The following SLC9A9 variants were observed in gnomAD, a reference collection of about 807,000 sequenced individuals.
SLC9A9 encodes the protein sodium/hydrogen exchanger 9.
A neutral mutation model predicts 77.8 loss-of-function variants in SLC9A9; 62 were observed. The observed-to-expected ratio is 0.80, with a 90% CI of 0.65 to 0.98. The LOEUF is 0.98. SLC9A9 is among the 50% of genes least tolerant of loss of function. The pLI, the probability that SLC9A9 is intolerant of heterozygous loss-of-function variation, is 0.00. For synonymous variants in SLC9A9, 320 were observed against 283.5 expected (o/e 1.13, Z -1.29); for missense variants, 775 against 774.9 (o/e 1.00, Z 0.00).
chr3:143,661,539 C>T (rs1242121964), intron 5 of SLC9A9, among the ~76,000 whole-genome samples: 2 of 152,128 alleles, frequency 1.3e-5, no homozygotes, highest in Non-Finnish European at 2.9e-5. Context: ...GATTTTCCTT[C>T]AACACCTCCA....
At chr3:143,467,294 CT>C in intron 11 of SLC9A9, 104 bp from the exon 12 acceptor site, 1 of 1,294,598 alleles carries the variant, frequency 7.7e-7, no homozygotes, top group Non-Finnish European at 1.1e-6. Flanking sequence ...TTAAATTAAT[CT>C]TTTTATTTTG....
intron 4 of SLC9A9, among the ~76,000 whole-genome samples, chr3:143,718,199 G>A (rs1560046640): frequency 6.6e-6 from 1 of 152,080 alleles, no homozygotes; most frequent in Non-Finnish European, 1.5e-5. Flanking sequence ...CATTCAGAGA[G>A]AACAACATAA....
At chr3:143,664,975 C>A (rs1397294593) in intron 5 of SLC9A9, among the ~76,000 whole-genome samples, 1 of 152,160 alleles carries the variant, frequency 6.6e-6, no homozygotes, top group African/African-American at 2.4e-5. Flanking sequence ...CAGCTCTGCA[C>A]CAAGTGGACC....
At chr3:143,326,202 C>T (rs1157430711) in intron 14 of SLC9A9, among the ~76,000 whole-genome samples, 1 of 152,102 alleles carries the variant, frequency 6.6e-6, no homozygotes, top group Non-Finnish European at 1.5e-5. Context: ...ATCGAGGTCA[C>T]CATTGTCTCT....
At chr3:143,566,320 G>T (rs2037167510) in intron 8 of SLC9A9, among the ~76,000 whole-genome samples, 1 of 152,170 alleles carries the variant, frequency 6.6e-6, no homozygotes, top group South Asian at 2.1e-4. Flanking sequence ...GCCAATAGGA[G>T]AACAGGCTTA....
intron 14 of SLC9A9, among the ~76,000 whole-genome samples, chr3:143,352,899 T>C (rs1363658771): frequency 6.6e-6 from 1 of 152,180 alleles, no homozygotes. Context: ...TTCTCTGCAT[T>C]ATAACAAACA....
At chr3:143,720,572 C>T (rs1016424257) in intron 4 of SLC9A9, among the ~76,000 whole-genome samples, 12 of 152,200 alleles carry the variant, frequency 7.9e-5, no homozygotes, top group Non-Finnish European at 1.8e-4. Context: ...AAGCTTTCTT[C>T]CCAGTATAAG....
At chr3:143,629,919 T>C (rs1262599148) in intron 6 of SLC9A9, among the ~76,000 whole-genome samples, 1 of 152,134 alleles carries the variant, frequency 6.6e-6, no homozygotes, top group African/African-American at 2.4e-5. Flanking sequence ...GCTGTAAATC[T>C]GAAGGACCAA....
intron 12 of SLC9A9, among the ~76,000 whole-genome samples, chr3:143,462,937 C>T (rs2035219726): frequency 6.6e-6 from 1 of 152,140 alleles, no homozygotes; most frequent in African/African-American, 2.4e-5. Context: ...TAACCATGGG[C>T]CACGGTGGCA....
intron 14 of SLC9A9, among the ~76,000 whole-genome samples, chr3:143,291,423 G>C (rs539256758): frequency 3.9e-5 from 6 of 152,302 alleles, no homozygotes; most frequent in Admixed American, 3.9e-4. Context: ...GGTTTATTCT[G>C]AGTAGGACCT....
intron 14 of SLC9A9, among the ~76,000 whole-genome samples, chr3:143,358,108 C>A (rs2032644615): frequency 6.6e-6 from 1 of 151,754 alleles, no homozygotes; most frequent in Non-Finnish European, 1.5e-5. Context: ...ATTTTGAATG[C>A]CCCTGATATT....
At chr3:143,498,977 A>T (rs1001478) in intron 9 of SLC9A9, among the ~76,000 whole-genome samples, 19,231 of 152,204 alleles carry the variant, frequency 0.13, 1,421 homozygotes, top group East Asian at 0.24. Context: ...TGGGGCTATG[A>T]TAAATTTTGC....
At chr3:143,362,283 A>G (rs1416609996) in intron 14 of SLC9A9, among the ~76,000 whole-genome samples, 1 of 152,250 alleles carries the variant, frequency 6.6e-6, no homozygotes, top group African/African-American at 2.4e-5. Flanking sequence ...TAACAGAGCT[A>G]TGAAAAAACA....
At chr3:143,343,380 G>A (rs1324764246) in intron 14 of SLC9A9, 1 of 152,138 alleles carries the variant, frequency 6.6e-6, no homozygotes, top group Admixed American at 6.5e-5. Context: ...ATGAGAGATA[G>A]TCAATTTTCA....
At chr3:143,576,643 C>T (rs549185018) in intron 7 of SLC9A9, among the ~76,000 whole-genome samples, 6 of 152,278 alleles carry the variant, frequency 3.9e-5, no homozygotes, top group East Asian at 1.9e-4. Flanking sequence ...AGAGCATGTT[C>T]GGCCTCTTGA....
chr3:143,528,835 G>A (rs1430450639), intron 9 of SLC9A9, among the ~76,000 whole-genome samples: 1 of 151,594 alleles, frequency 6.6e-6, no homozygotes, highest in East Asian at 1.9e-4. Flanking sequence ...TATGTCTTAA[G>A]TACTTACTGT....
chr3:143,723,359 G>A (rs1440300950), intron 4 of SLC9A9, among the ~76,000 whole-genome samples: 5 of 152,130 alleles, frequency 3.3e-5, no homozygotes, highest in Admixed American at 6.5e-5. Context: ...CTTAGAGGCC[G>A]GTTTTCCTGG....
chr3:143,816,695 G>A (rs1458376909), intron 2 of SLC9A9, among the ~76,000 whole-genome samples: 1 of 152,138 alleles, frequency 6.6e-6, no homozygotes, highest in Admixed American at 6.5e-5. Context: ...GGGCCTGCTG[G>A]GGTATGAGGT....
intron 6 of SLC9A9, among the ~76,000 whole-genome samples, chr3:143,647,685 A>G (rs1261073193): frequency 6.6e-6 from 1 of 152,236 alleles, no homozygotes; most frequent in Non-Finnish European, 1.5e-5. Flanking sequence ...AACTCCACAT[A>G]GCATCTGTTC....
Sources: gnomAD v4.1 joint callset for allele counts (sites outside exome capture counted in the v4.1 genomes callset) on GRCh38, gnomAD v4.1.1 for gene constraint, MANE v1.5 for transcripts, NCBI Gene and HGNC (gene_info 2026-07-23, HGNC 2026-07-21) for gene names.